Variants in PEBP4 observed in about 807,000 individuals in gnomAD.
PEBP4 encodes phosphatidylethanolamine-binding protein 4.
A neutral mutation model predicts 23.9 loss-of-function variants in PEBP4; 22 were observed. The observed-to-expected ratio is 0.92, with a 90% CI of 0.66 to 1.31. PEBP4 has a LOEUF of 1.31. PEBP4 is among the 40% of genes most tolerant of loss of function. PEBP4 has a pLI of 0.00. For synonymous variants in PEBP4, 112 were observed against 99.3 expected (o/e 1.13, Z -0.76); for missense variants, 324 against 281.7 (o/e 1.15, Z -1.07).
intron 3 of PEBP4, among the ~76,000 whole-genome samples, chr8:22,877,203 A>G (rs1808138443): frequency 6.6e-6 from 1 of 152,070 alleles, no homozygotes; most frequent in Non-Finnish European, 1.5e-5. Flanking sequence ...AGCCATTTCT[A>G]CTGTAATGGC....
At chr8:22,924,865 G>A in intron 2 of PEBP4, 1 of 985,388 alleles carries the variant, frequency 1.0e-6, no homozygotes, top group Non-Finnish European at 1.2e-6. Context: ...TGATTCCCGA[G>A]AAGCGTTACT....
chr8:22,851,921 C>A (rs1807559945), intron 3 of PEBP4, among the ~76,000 whole-genome samples: 1 of 152,132 alleles, frequency 6.6e-6, no homozygotes, highest in South Asian at 2.1e-4. Context: ...GGTCTTGCAG[C>A]TCTGACCCCA....
chr8:22,754,317 T>A (rs1466660757), intron 4 of PEBP4, among the ~76,000 whole-genome samples: 1 of 152,208 alleles, frequency 6.6e-6, no homozygotes, highest in African/African-American at 2.4e-5. Flanking sequence ...GCGGGTGTAT[T>A]AAGATCAGAG....
At chr8:22,858,029 G>T (rs538779451) in intron 3 of PEBP4, among the ~76,000 whole-genome samples, 1 of 152,198 alleles carries the variant, frequency 6.6e-6, no homozygotes, top group Non-Finnish European at 1.5e-5. Context: ...TTTTCAGAGC[G>T]TGGGGACCAT....
In PEBP4 at chr8:22,759,601, C is replaced by T. The variant is rs1252292965; in HGVS notation, c.358-32381G>A. ...CAGTGGTCCTGCCTCCTCTGTGCCC[C>T]ACCACCTCCCCGGGAGCCTGGCTCT... is the stretch of plus-strand genomic sequence containing the variant. On this transcript the variant is annotated intron_variant, in intron 4 of 6. Transcript: ENST00000256404. Among the ~76,000 whole-genome samples, 4 of 152,260 alleles carry T rather than the reference C, an allele frequency of 2.6e-5. No homozygotes were observed. In the South Asian group the frequency reaches 6.2e-4, roughly 24 times the overall value.
chr8:22,924,630 T>G (rs1372356903), intron 2 of PEBP4: 9 of 983,540 alleles, frequency 9.2e-6, no homozygotes, highest in Non-Finnish European at 1.1e-5. Context: ...GAACGGAGCT[T>G]TTCAACACCA....
intron 6 of PEBP4, among the ~76,000 whole-genome samples, chr8:22,717,732 C>G (rs1269621854): frequency 1.3e-5 from 2 of 152,214 alleles, no homozygotes; most frequent in Non-Finnish European, 2.9e-5. Flanking sequence ...TGATCACCCT[C>G]TTCCCTGGCC....
chr8:22,774,855 C>A (rs187123163), intron 4 of PEBP4, among the ~76,000 whole-genome samples: 51 of 152,246 alleles, frequency 3.3e-4, no homozygotes, highest in African/African-American at 8.9e-4. Context: ...GGAAAGAAAC[C>A]AATCTGACTT....
chr8:22,903,991 G>A (rs1458211294), intron 3 of PEBP4, among the ~76,000 whole-genome samples: 2 of 152,358 alleles, frequency 1.3e-5, no homozygotes, highest in Non-Finnish European at 2.9e-5. Context: ...ACTCAGTTGA[G>A]TTCCTGTCTT....
At chr8:22,916,360 C>T (rs549184441) in intron 3 of PEBP4, among the ~76,000 whole-genome samples, 5 of 152,186 alleles carry the variant, frequency 3.3e-5, no homozygotes, top group South Asian at 2.1e-4. Context: ...GGGAGAAACG[C>T]TTCCTCTTAC....
At chr8:22,871,296 T>C (rs181470067) in intron 3 of PEBP4, among the ~76,000 whole-genome samples, 23 of 152,274 alleles carry the variant, frequency 1.5e-4, no homozygotes, top group African/African-American at 5.5e-4. Flanking sequence ...GCCCACATTT[T>C]GCACCCCCAT....
At chr8:22,925,429 T>C (rs1809305967) in intron 2 of PEBP4, 1 of 637,496 alleles carries the variant, frequency 1.6e-6, no homozygotes, top group Non-Finnish European at 2.0e-6. Context: ...TTTTAAGCTA[T>C]GTAAACACTG....
chr8:22,913,746 C>T (rs73216829), intron 3 of PEBP4, among the ~76,000 whole-genome samples: 4,150 of 152,320 alleles, frequency 0.027, 72 homozygotes, highest in South Asian at 0.062. Flanking sequence ...CATTTCCAGT[C>T]GACCCCTCAA....
In PEBP4 at chr8:22,828,294, T is replaced by C. The variant is rs189164334; in HGVS notation, c.259-10559A>G. Among the ~76,000 whole-genome samples the C allele has an allele frequency of 8.1e-4, 123 of 152,316 alleles. 1 individual carries two copies. The highest frequency in any genetic ancestry group is 6.0e-4 in the Non-Finnish European group (41 of 68,016). ...TCCGGCCTCAATCCCCATCTGTACATGGGGTTGTACAAAGCCTTTGCCTTC... is the reference window on the plus strand; with the variant it reads ...TCCGGCCTCAATCCCCATCTGTACACGGGGTTGTACAAAGCCTTTGCCTTC... On this transcript the variant is annotated intron_variant, in intron 3 of 6. Coordinates refer to ENST00000256404, the MANE Select transcript of PEBP4 (RefSeq NM_144962.3).
At chr8:22,889,853 G>A (rs927392044) in intron 3 of PEBP4, among the ~76,000 whole-genome samples, 5 of 152,214 alleles carry the variant, frequency 3.3e-5, no homozygotes, top group Non-Finnish European at 1.5e-5. Flanking sequence ...CTGCAGGGAC[G>A]CCCTGCTCGG....
intron 4 of PEBP4, among the ~76,000 whole-genome samples, chr8:22,776,710 T>C (rs1486001624): frequency 6.6e-6 from 1 of 151,348 alleles, no homozygotes; most frequent in Non-Finnish European, 1.5e-5. Context: ...TAATCACTCG[T>C]TGACTTAAGG....
chr8:22,835,436 A>C (rs1198356696), intron 3 of PEBP4, among the ~76,000 whole-genome samples: 1 of 152,176 alleles, frequency 6.6e-6, no homozygotes. Context: ...GCTTCCTAGC[A>C]TCTTTGGTGG....
intron 4 of PEBP4, among the ~76,000 whole-genome samples, chr8:22,806,907 C>A (rs1489627061): frequency 3.3e-5 from 5 of 152,220 alleles, no homozygotes; most frequent in Admixed American, 3.3e-4. Context: ...CATTTCCCAA[C>A]AAAGAAATCT....
chr8:22,777,373 G>A (rs1363734384), intron 4 of PEBP4, among the ~76,000 whole-genome samples: 1 of 152,172 alleles, frequency 6.6e-6, no homozygotes, highest in Non-Finnish European at 1.5e-5. Flanking sequence ...GCTGTTGGGT[G>A]GGGCCCTTCT....
Sources: allele counts gnomAD v4.1 joint callset (sites outside exome capture counted in the v4.1 genomes callset), GRCh38; gene constraint gnomAD v4.1.1; transcripts MANE v1.5; gene names NCBI Gene and HGNC (gene_info 2026-07-23, HGNC 2026-07-21).